The following GCNT2 variants were observed in gnomAD, a reference collection of about 807,000 sequenced individuals.
GCNT2 encodes the protein glucosaminyl (N-acetyl) transferase 2 (I blood group).
GCNT2 carries 34 observed loss-of-function variants against 34.2 expected under a neutral mutation model. The ratio of observed to expected loss-of-function variants is 1.00; its 90% CI spans 0.76 to 1.32. GCNT2 has a LOEUF of 1.32. Ranked by LOEUF, GCNT2 falls within the 40% of genes most tolerant of loss-of-function variation. The pLI, the probability that GCNT2 is intolerant of heterozygous loss-of-function variation, is 0.00. For synonymous variants in GCNT2, 212 were observed against 188.0 expected, an observed-to-expected ratio of 1.13 and a Z score of -1.04; for missense variants, 584 against 489.4, an observed-to-expected ratio of 1.19 and a Z score of -1.82.
intron 3 of GCNT2, among the ~76,000 whole-genome samples, chr6:10,617,081 C>T (rs1165333753): frequency 1.3e-5 from 2 of 152,214 alleles, no homozygotes; most frequent in Admixed American, 6.5e-5. Context: ...TTTGGGCGGT[C>T]GATGGGACTG....
Position 10,529,754 on chromosome 6 carries a change from G to C in GCNT2, c.843G>C (p.Gln281His). ...TTGCTAACTTCGTCCTCCAAGACCA[G>C]CTCGCACTTGACTTACTCTCCTGGT... is the stretch of plus-strand genomic sequence containing the variant. ...RDFANFVLQD[Q>H]LALDLLSWSK... is the part of the protein sequence containing the mutation. The change falls in exon 3 of 5, where the codon CAG becomes CAC. Residue 281 changes from glutamine (Q) to histidine (H), a missense_variant. Gln to His is a conservative substitution (Grantham distance 24). Transcript: ENST00000495262. 6.2e-7 allele frequency: 1 copy of C among 1,614,184 alleles called. No homozygotes were observed. Among genetic ancestry groups the C allele is most frequent in the South Asian group, 1.1e-5 (1 of 91,088 alleles).
chr6:10,622,024 T>C (rs1766057678), intron 4 of GCNT2, among the ~76,000 whole-genome samples: 1 of 152,144 alleles, frequency 6.6e-6, no homozygotes, highest in Admixed American at 6.5e-5. Context: ...CTCAGGCCAG[T>C]CCCTGCTCCC....
intron 3 of GCNT2, among the ~76,000 whole-genome samples, chr6:10,559,301 G>T (rs1246334309): frequency 6.6e-6 from 1 of 152,148 alleles, no homozygotes; most frequent in Admixed American, 6.5e-5. Flanking sequence ...GGGTATAGGA[G>T]AGAACGACAT....
intron 3 of GCNT2, chr6:10,586,248 C>A (rs11966400): frequency 8.1e-6 from 13 of 1,614,202 alleles, no homozygotes; most frequent in South Asian, 2.2e-5. Flanking sequence ...CATCACAAGT[C>A]CCCTGTCGGA....
intron 4 of GCNT2, among the ~76,000 whole-genome samples, chr6:10,622,387 TG>T (rs1401171551): frequency 6.6e-6 from 1 of 151,968 alleles, no homozygotes; most frequent in Non-Finnish European, 1.5e-5. Flanking sequence ...CCTCTCTGCT[TG>T]GCTTGTAGAT....
chr6:10,613,673 T>C (rs1765647916), intron 3 of GCNT2, among the ~76,000 whole-genome samples: 1 of 152,232 alleles, frequency 6.6e-6, no homozygotes. Flanking sequence ...GTGCATCGCA[T>C]GTAATAAGCA....
chr6:10,579,829 A>ACAAAC (rs1554133183), intron 3 of GCNT2, among the ~76,000 whole-genome samples: 1,469 of 144,320 alleles, frequency 0.01, 35 homozygotes, highest in African/African-American at 0.036. Flanking sequence ...AAACAAACAA[A>ACAAAC]AAAAAAAAAA....
rs1191165162 is a variant in GCNT2, at chr6:10,562,665, A to C, written c.925+32829A>C. On this transcript the variant is annotated intron_variant, in intron 3 of 4. Coordinates refer to ENST00000495262, the MANE Select transcript of GCNT2 (RefSeq NM_145649.5). ...GAGTCAGAACTTCTCTGAAAAAAAA[A>C]AAAAAAAAAAAACAAAAAAAAACCC... 7.3e-5 allele frequency among the ~76,000 whole-genome samples: 11 copies of C among 151,358 alleles called. No homozygotes were observed. In the South Asian group the frequency reaches 1.9e-3, roughly 26 times the overall value.
chr6:10,549,566 T>C (rs867504496), intron 3 of GCNT2, among the ~76,000 whole-genome samples: 5,039 of 72,292 alleles, frequency 0.07, 356 homozygotes, highest in African/African-American at 0.14. Context: ...TCTCTCTCTT[T>C]TTTTTTTTTT....
rs1171580378 is a variant in GCNT2, at chr6:10,601,960, A to C, written c.926-19391A>C. Among the ~76,000 whole-genome samples, 425 of 123,102 alleles carry C rather than the reference A, an allele frequency of 3.5e-3. 3 individuals are homozygous for C. The highest frequency in any genetic ancestry group is 0.011 in the African/African-American group (302 of 26,410). The allele number at this position is 123,102 out of a possible 152,430, so 80.8% of individuals were successfully genotyped here. ...CATCTCAAGAAAAAAAAAAAAAAAAACAAAAAAAACACTAAAGCCCTTGAT... is the reference window on the plus strand; with the variant it reads ...CATCTCAAGAAAAAAAAAAAAAAAACCAAAAAAAACACTAAAGCCCTTGAT... On this transcript the variant is annotated intron_variant, in intron 3 of 4. Transcript: ENST00000495262.
At chr6:10,530,571 A>T (rs781737980) in intron 3 of GCNT2, among the ~76,000 whole-genome samples, 34 of 152,048 alleles carry the variant, frequency 2.2e-4, no homozygotes, top group Non-Finnish European at 3.5e-4. Flanking sequence ...CTGGTCTTGA[A>T]TCAAAAATCT....
rs1463983197 is a variant in GCNT2 at position 10,621,396 on chromosome 6, G to T, written c.971G>T (p.Arg324Ile). Reference sequence around the variant, plus strand: ...AATGCATCCTGGACTGGAAACCTCAGAGCTATAAAGTGGAGTGACATGGAA... The same window carrying T: ...AATGCATCCTGGACTGGAAACCTCATAGCTATAAAGTGGAGTGACATGGAA... ...MPNASWTGNL[R>I]AIKWSDMEDR... The change falls in exon 4 of 5, where the codon AGA becomes ATA. Residue 324 changes from arginine (R) to isoleucine (I), a missense_variant. Transcript: ENST00000495262. 1 of 1,613,836 alleles carries T rather than the reference G, an allele frequency of 6.2e-7. No homozygotes were observed.
chr6:10,579,864 G>A (rs950866408), intron 3 of GCNT2, among the ~76,000 whole-genome samples: 4 of 150,964 alleles, frequency 2.6e-5, no homozygotes, highest in Non-Finnish European at 4.4e-5. Context: ...AATAAAATGG[G>A]CATGGAGCTG....
intron 3 of GCNT2, among the ~76,000 whole-genome samples, chr6:10,563,766 A>G (rs1561802647): frequency 1.4e-5 from 1 of 69,838 alleles, no homozygotes; most frequent in African/African-American, 6.5e-5. Flanking sequence ...GAAAAAAAAA[A>G]AAAAAAAAAA....
At chr6:10,562,245 C>T (rs559248133) in intron 3 of GCNT2, among the ~76,000 whole-genome samples, 6 of 152,274 alleles carry the variant, frequency 3.9e-5, no homozygotes, top group Non-Finnish European at 8.8e-5. Flanking sequence ...AGATGGTCCC[C>T]CTATCTCTCT....
In GCNT2 at chr6:10,529,237, C is replaced by A; in HGVS notation, c.326C>A (p.Thr109Asn). 6.2e-7 allele frequency: 1 copy of A among 1,614,196 alleles called. No homozygotes were observed. Among genetic ancestry groups the A allele is most frequent in the Non-Finnish European group, 8.5e-7 (1 of 1,180,016 alleles). ...YTVTIHKDFGTFERLFRAIYM... is the reference protein window; with the variant it reads ...YTVTIHKDFGNFERLFRAIYM... The stretch of plus-strand genomic sequence containing the variant: ...GTGACCATCCACAAAGACTTCGGCA[C>A]TTTTGAGAGGCTCTTCAGGGCGATT... The change falls in exon 3 of 5, where the codon ACT becomes AAT. Residue 109 changes from threonine to asparagine, a missense_variant. Transcript: ENST00000495262.
intron 3 of GCNT2, among the ~76,000 whole-genome samples, chr6:10,536,829 G>A (rs1457689656): frequency 1.3e-5 from 2 of 150,650 alleles, no homozygotes; most frequent in African/African-American, 4.9e-5. Flanking sequence ...TCAGCCTCCC[G>A]AGTACCTGGG....
At position 10,564,137 on chromosome 6, in the gene GCNT2, C is replaced by T. The variant is rs990142757; in HGVS notation, c.925+34301C>T. ...GAAAGATGAAGGCAATTAATGTTTACTGAACATGTGCCTATGGGTTTAGAG... is the reference window on the plus strand; with the variant it reads ...GAAAGATGAAGGCAATTAATGTTTATTGAACATGTGCCTATGGGTTTAGAG... On this transcript the variant is annotated intron_variant, in intron 3 of 4. Transcript: ENST00000495262. Among the ~76,000 whole-genome samples, 3 of 152,190 alleles carry T rather than the reference C, an allele frequency of 2.0e-5. No individual in the cohort carries two copies. The East Asian group carries it at 5.8e-4, about 29-fold the overall frequency.
chr6:10,578,876 T>C (rs1331029425), intron 3 of GCNT2, among the ~76,000 whole-genome samples: 1 of 152,180 alleles, frequency 6.6e-6, no homozygotes, highest in Non-Finnish European at 1.5e-5. Context: ...AAGGCAGATA[T>C]CTGGATTAAC....
Sources: gnomAD v4.1 joint callset for allele counts (sites outside exome capture counted in the v4.1 genomes callset) on GRCh38, gnomAD v4.1.1 for gene constraint, MANE v1.5 for transcripts, NCBI Gene and HGNC (gene_info 2026-07-23, HGNC 2026-07-21) for gene names.